Variants in KCNMA1 observed in about 807,000 individuals in gnomAD.
The protein encoded by KCNMA1 is potassium calcium-activated channel subfamily M alpha 1.
In KCNMA1, 29 loss-of-function variants were observed where a neutral mutation model predicts 140.0. The observed-to-expected ratio is 0.21, with a 90% CI of 0.15 to 0.28. The LOEUF is 0.28. Ranked by LOEUF, KCNMA1 falls within the 10% of genes least tolerant of loss-of-function variation. The pLI, the probability that KCNMA1 is intolerant of heterozygous loss-of-function variation, is 1.00. For synonymous variants in KCNMA1, 612 were observed against 611.9 expected, an observed-to-expected ratio of 1.00 and a Z score of 0.00; for missense variants, 880 against 1,602.2, an observed-to-expected ratio of 0.55 and a Z score of 7.70.
intron 5 of KCNMA1, among the ~76,000 whole-genome samples, chr10:77,159,677 T>C (rs760845852): frequency 9.2e-5 from 14 of 152,102 alleles, no homozygotes; most frequent in Non-Finnish European, 1.5e-4. Flanking sequence ...CCCCCTCCTG[T>C]AGCTAACAAA....
At chr10:77,369,401 T>G (rs2094545750) in intron 2 of KCNMA1, among the ~76,000 whole-genome samples, 1 of 152,214 alleles carries the variant, frequency 6.6e-6, no homozygotes, top group South Asian at 2.1e-4. Context: ...TTCTATGTCT[T>G]GTAGGTGATT....
intron 5 of KCNMA1, among the ~76,000 whole-genome samples, chr10:77,147,457 C>T (rs940811088): frequency 6.6e-6 from 1 of 151,160 alleles, no homozygotes; most frequent in Non-Finnish European, 1.5e-5. Context: ...TGAAAGCTAA[C>T]CATCAGAGGG....
chr10:77,108,209 G>T lies in KCNMA1; in HGVS notation c.1223+272C>A. 8.7e-7 allele frequency: 1 copy of T among 1,153,018 alleles called. No homozygotes were observed. Among genetic ancestry groups the T allele is most frequent in the Non-Finnish European group, 1.2e-6 (1 of 842,332 alleles). 71.4% of individuals were successfully genotyped at this position (1,153,018 alleles called of 1,614,324 possible). ...GAAGCACCCGGTGGGGTTGGGGAGG[G>T]GCAGAATTCAGATGGCACCTCCACA... is the stretch of plus-strand genomic sequence containing the variant. On this transcript the variant is annotated intron_variant, in intron 9 of 27. Transcript: ENST00000286628. This position sits in a 1 kb window ranked among gnomAD's most constrained non-coding sequence, Gnocchi z 4.6.
In KCNMA1 at chr10:77,018,281, A is replaced by G. The variant is rs555994079; in HGVS notation, c.2015+732T>C. Among the ~76,000 whole-genome samples the G allele has an allele frequency of 2.6e-5, 4 of 152,314 alleles. No homozygotes were observed. The East Asian group carries it at 7.7e-4, about 29-fold the overall frequency. On this transcript the variant is annotated intron_variant, in intron 17 of 27. Coordinates refer to ENST00000286628, the MANE Select transcript of KCNMA1 (RefSeq NM_001161352.2). ...TAATGTACTTAAAATATTTTATGCA[A>G]TATTACTGTTGAGCTGAATGACCTG...
intron 5 of KCNMA1, among the ~76,000 whole-genome samples, chr10:77,155,666 G>A (rs957498135): frequency 6.6e-6 from 1 of 151,986 alleles, no homozygotes; most frequent in Non-Finnish European, 1.5e-5. Context: ...CATGGAAACG[G>A]TTCCTCCACC....
At chr10:76,883,911 A>C (rs1589457655), downstream of KCNMA1, 1 of 683,688 alleles carries the variant, frequency 1.5e-6, no homozygotes, top group Non-Finnish European at 1.8e-6. Flanking sequence ...AATTTTGGCA[A>C]ATAAAATTGA....
intron 1 of KCNMA1, among the ~76,000 whole-genome samples, chr10:77,536,684 C>G (rs2058968436): frequency 6.6e-6 from 1 of 152,160 alleles, no homozygotes; most frequent in South Asian, 2.1e-4. Flanking sequence ...ATTGGGTACT[C>G]TGTCTCCCGC....
chr10:77,076,034 C>T (rs2096385291), intron 13 of KCNMA1, among the ~76,000 whole-genome samples: 1 of 152,168 alleles, frequency 6.6e-6, no homozygotes, highest in African/African-American at 2.4e-5. Context: ...ATACGCTGTC[C>T]TGGAAAACCA....
At chr10:76,926,463 C>T (rs1425798275) in intron 23 of KCNMA1, among the ~76,000 whole-genome samples, 2 of 152,114 alleles carry the variant, frequency 1.3e-5, no homozygotes, top group Non-Finnish European at 2.9e-5. Context: ...TTCATCAGTA[C>T]TAACTTACTA....
At chr10:77,328,010 G>A (rs1414266148) in intron 2 of KCNMA1, among the ~76,000 whole-genome samples, 1 of 152,106 alleles carries the variant, frequency 6.6e-6, no homozygotes, top group East Asian at 1.9e-4. Flanking sequence ...AGGACCTTGT[G>A]GGAGTGCACA....
chr10:77,337,591 G>C (rs2089570906), intron 2 of KCNMA1, among the ~76,000 whole-genome samples: 2 of 152,236 alleles, frequency 1.3e-5, no homozygotes. Flanking sequence ...CTGCACTCCA[G>C]CCTGGGTGAC....
intron 1 of KCNMA1, among the ~76,000 whole-genome samples, chr10:77,434,800 C>A (rs1432208922): frequency 6.6e-6 from 1 of 152,162 alleles, no homozygotes; most frequent in Non-Finnish European, 1.5e-5. Context: ...GAGTCAAGGT[C>A]AGCGGGTTTT....
chr10:77,196,961 G>A (rs938077140), intron 3 of KCNMA1, among the ~76,000 whole-genome samples: 2 of 151,962 alleles, frequency 1.3e-5, no homozygotes, highest in African/African-American at 4.8e-5. Context: ...CAAGAAAGAA[G>A]TATACAAGTT....
At position 77,358,364 on chromosome 10, in the gene KCNMA1, ATAT is replaced by A. The variant is rs529286903; in HGVS notation, c.540+45495_540+45497del. Among the ~76,000 whole-genome samples, 43 of 152,258 alleles carry A rather than the reference ATAT, an allele frequency of 2.8e-4. No individual in the cohort carries two copies. The South Asian group carries it at 8.7e-3, about 31-fold the overall frequency. On this transcript the variant is annotated intron_variant, in intron 2 of 27. Transcript: ENST00000286628. ...GGATTCACTGACTTATCTGTAGTAG[ATAT>A]TATTAAATATGTCTCAAAGCATCTC...
intron 1 of KCNMA1, among the ~76,000 whole-genome samples, chr10:77,552,590 G>A (rs2063125263): frequency 6.6e-6 from 1 of 152,192 alleles, no homozygotes; most frequent in African/African-American, 2.4e-5. Context: ...CTCCCCTTTG[G>A]ACATTTGGAA....
chr10:77,382,988 G>GTA (rs2095470217), intron 2 of KCNMA1, among the ~76,000 whole-genome samples: 3 of 44,978 alleles, frequency 6.7e-5, no homozygotes, highest in African/African-American at 4.2e-4. Context: ...GTGTGTGTGT[G>GTA]TGTGTGTATA....
At chr10:77,030,832 T>C (rs957445707) in intron 15 of KCNMA1, among the ~76,000 whole-genome samples, 1 of 152,164 alleles carries the variant, frequency 6.6e-6, no homozygotes, top group Non-Finnish European at 1.5e-5. Context: ...TTCAAATCCA[T>C]ACCCAAGCTG....
chr10:77,509,944 A>G (rs1477162695), intron 1 of KCNMA1, among the ~76,000 whole-genome samples: 9 of 151,360 alleles, frequency 5.9e-5, no homozygotes, highest in Non-Finnish European at 1.0e-4. Context: ...GGAGTGCAAG[A>G]CCCTACAACC....
At chr10:77,607,638 A>G (rs2085023508) in intron 1 of KCNMA1, among the ~76,000 whole-genome samples, 1 of 152,096 alleles carries the variant, frequency 6.6e-6, no homozygotes, top group African/African-American at 2.4e-5. Flanking sequence ...TTGGATACGG[A>G]GCAGAAAGCC....
Sources: gnomAD v4.1 joint callset for allele counts (sites outside exome capture counted in the v4.1 genomes callset) on GRCh38, gnomAD v4.1.1 for gene constraint, Gnocchi (gnomAD v3.1) non-coding constraint, MANE v1.5 for transcripts, NCBI Gene and HGNC (gene_info 2026-07-23, HGNC 2026-07-21) for gene names.